TRIO: variants seen among roughly 807,000 people sequenced by gnomAD.
The protein encoded by TRIO is triple functional domain protein.
A neutral mutation model predicts 351.9 loss-of-function variants in TRIO; 58 were observed. The ratio of observed to expected loss-of-function variants is 0.16; its 90% CI spans 0.13 to 0.21. TRIO has a LOEUF of 0.21. TRIO is among the 10% of genes least tolerant of loss of function. The pLI, the probability that TRIO is intolerant of heterozygous loss-of-function variation, is 1.00. For synonymous variants in TRIO, 1,758 were observed against 1,595.7 expected (o/e 1.10, Z -2.42); for missense variants, 3,201 against 4,027.8 (o/e 0.79, Z 5.56).
chr5:14,490,274 G>A (rs779087954), intron 48 of TRIO, among the ~76,000 whole-genome samples: 13 of 152,296 alleles, frequency 8.5e-5, no homozygotes, highest in Admixed American at 2.6e-4. Flanking sequence ...GGGAGACTCC[G>A]TCTCAAAAAG....
intron 11 of TRIO, 102 bp downstream of exon 11, chr5:14,336,829 G>T (rs1282861760): frequency 7.6e-7 from 1 of 1,309,302 alleles, no homozygotes; most frequent in Non-Finnish European, 1.1e-6. Context: ...GTGGACAAAG[G>T]TGGCAAGTTG....
chr5:14,153,027 A>G (rs1056357407), intron 1 of TRIO, among the ~76,000 whole-genome samples: 1 of 152,154 alleles, frequency 6.6e-6, no homozygotes, highest in Non-Finnish European at 1.5e-5. Context: ...GCCAGCCTCA[A>G]CTCTGCTGGA....
chr5:14,485,279 T>C (rs1466981623), intron 47 of TRIO, 33 bp downstream of exon 47: 2 of 1,543,412 alleles, frequency 1.3e-6, no homozygotes, highest in African/African-American at 1.4e-5. Flanking sequence ...ATGTGTGCTT[T>C]CTTTCCTCGT....
At chr5:14,201,633 G>C (rs1206530856) in intron 1 of TRIO, among the ~76,000 whole-genome samples, 1 of 152,162 alleles carries the variant, frequency 6.6e-6, no homozygotes, top group Non-Finnish European at 1.5e-5. Context: ...TGGATCAAAG[G>C]AGAGATTGTA....
rs1748690665 is a variant in TRIO, at chr5:14,406,099, C to T, written c.4859+109C>T. 5 of 1,448,150 alleles carry T rather than the reference C, an allele frequency of 3.5e-6. No homozygotes were observed. The South Asian group carries it at 4.1e-5, about 12-fold the overall frequency. 89.7% of individuals were successfully genotyped at this position (1,448,150 alleles called of 1,614,324 possible). ...TTTCTCTCAAACATTTTGAGGAATA[C>T]ATTTTTTAAACTGCCATTTGTGGAT... is the stretch of plus-strand genomic sequence containing the variant. On this transcript the variant is annotated intron_variant, in intron 32 of 56. Transcript: ENST00000344204.
At chr5:14,483,837 C>G (rs543146882) in intron 46 of TRIO, among the ~76,000 whole-genome samples, 1 of 152,342 alleles carries the variant, frequency 6.6e-6, no homozygotes, top group South Asian at 2.1e-4. Context: ...GGGCTCACCA[C>G]TACACTTGAG....
intron 1 of TRIO, among the ~76,000 whole-genome samples, chr5:14,191,724 T>C (rs1581316805): frequency 1.3e-5 from 2 of 152,312 alleles, no homozygotes; most frequent in Middle Eastern, 6.8e-3. Context: ...AAGTTGACAG[T>C]AATCAGAACT....
At chr5:14,281,660 C>T (rs1313014757) in intron 3 of TRIO, among the ~76,000 whole-genome samples, 2 of 152,020 alleles carry the variant, frequency 1.3e-5, no homozygotes. Context: ...TGGAGGGGTG[C>T]CTATCTATGA....
chr5:14,292,916 G>C, intron 5 of TRIO, 96 bp from the exon 6 acceptor site: 1 of 1,553,626 alleles, frequency 6.4e-7, no homozygotes, highest in Middle Eastern at 1.7e-4. Flanking sequence ...GTCCAGGGAA[G>C]GAAGTTGCCC....
At chr5:14,427,806 T>C (rs1041072130) in intron 34 of TRIO, among the ~76,000 whole-genome samples, 2 of 152,254 alleles carry the variant, frequency 1.3e-5, no homozygotes. Flanking sequence ...TGGTGCCTAC[T>C]CTGACTTGAG....
chr5:14,263,361 C>G (rs1297873328), intron 1 of TRIO, among the ~76,000 whole-genome samples: 28 of 151,938 alleles, frequency 1.8e-4, no homozygotes. Flanking sequence ...GGCCCCAGTT[C>G]CTTATGTAGT....
At chr5:14,418,791 C>T (rs1438708413) in intron 33 of TRIO, 1 of 152,576 alleles carries the variant, frequency 6.6e-6, no homozygotes, top group Non-Finnish European at 1.5e-5. Context: ...GAGCTGCTCT[C>T]GGGATTCTTA....
In TRIO at chr5:14,488,094, T is replaced by G. The variant is rs772904946; in HGVS notation, c.7466T>G (p.Ile2489Ser). Residue 2489 changes from isoleucine to serine, a missense_variant, in exon 48 of 57, where the codon ATC (isoleucine) becomes AGC (serine). Transcript: ENST00000344204. ...LQKGGSFWSSIPASPASRPGS... is the reference protein window; with the variant it reads ...LQKGGSFWSSSPASPASRPGS... ...AAGGGGGGCTCCTTCTGGAGCTCCA[T>G]CCCCGCCTCCCCCGCCAGCCGACCC... 1.9e-6 allele frequency: 3 copies of G among 1,602,778 alleles called. No individual in the cohort carries two copies. The highest frequency in any genetic ancestry group is 2.5e-6 in the Non-Finnish European group (3 of 1,177,822).
intron 11 of TRIO, among the ~76,000 whole-genome samples, chr5:14,344,292 C>G (rs1742208578): frequency 6.6e-6 from 1 of 152,192 alleles, no homozygotes; most frequent in South Asian, 2.1e-4. Flanking sequence ...ACTGCGGTAT[C>G]TAGCGTGGCA....
intron 16 of TRIO, 97 bp from the exon 17 acceptor site, chr5:14,368,611 A>G (rs1744803259): frequency 7.3e-7 from 1 of 1,361,598 alleles, no homozygotes; most frequent in Admixed American, 2.3e-5. Flanking sequence ...TATTTCCACA[A>G]AATCATGAAG....
At chr5:14,208,464 T>C (rs1791674893) in intron 1 of TRIO, among the ~76,000 whole-genome samples, 1 of 152,144 alleles carries the variant, frequency 6.6e-6, no homozygotes, top group South Asian at 2.1e-4. Flanking sequence ...AAAGCCAAAT[T>C]AGGCAAAAAA....
At chr5:14,341,301 C>T (rs1741923264) in intron 11 of TRIO, among the ~76,000 whole-genome samples, 1 of 152,146 alleles carries the variant, frequency 6.6e-6, no homozygotes. Flanking sequence ...TCATTCATTC[C>T]AAAGGGTCTC....
intron 8 of TRIO, among the ~76,000 whole-genome samples, chr5:14,310,204 C>T (rs1738793823): frequency 6.6e-6 from 1 of 152,226 alleles, no homozygotes; most frequent in South Asian, 2.1e-4. Flanking sequence ...ACTCAGCTAC[C>T]AGTTTTTCAA....
chr5:14,488,517 A>G (rs1756222229), intron 48 of TRIO: 3 of 543,066 alleles, frequency 5.5e-6, no homozygotes, highest in South Asian at 6.2e-5. Context: ...GGTTTCTTCC[A>G]TTTCCAACCA....
Sources: allele counts gnomAD v4.1 joint callset (sites outside exome capture counted in the v4.1 genomes callset), GRCh38; gene constraint gnomAD v4.1.1; transcripts MANE v1.5; gene names NCBI Gene and HGNC (gene_info 2026-07-23, HGNC 2026-07-21).